The following FBRSL1 variants were observed in gnomAD, a reference collection of about 807,000 sequenced individuals.
FBRSL1 encodes fibrosin like 1, also known as fibrosin-1-like protein.
A neutral mutation model predicts 89.6 loss-of-function variants in FBRSL1; 51 were observed. The observed-to-expected ratio is 0.57, with a 90% CI of 0.45 to 0.72. The LOEUF is 0.72. Ranked by LOEUF, FBRSL1 falls within the 30% of genes least tolerant of loss-of-function variation. The probability of loss-of-function intolerance (pLI) is 0.00; values close to 1 mark genes in which losing one functional copy is unlikely to be tolerated. For missense variants in FBRSL1, 1,618 were observed against 1,451.8 expected (o/e 1.11, Z -1.86); for synonymous variants, 779 against 681.1 (o/e 1.14, Z -2.24).
In FBRSL1 at chr12:132,570,199, C is replaced by T. The variant is rs952586809; in HGVS notation, c.965C>T (p.Ala322Val). ...GTGCCTGCATCCCTGGGCGCCTTCG[C>T]GGGCCACAGCCAGGCGGCAGCCAAC... ...THVPASLGAFAGHSQAAANGL... is the reference protein window; with the variant it reads ...THVPASLGAFVGHSQAAANGL... Residue 322 changes from alanine (A) to valine (V), a missense_variant, in exon 7 of 19, where the codon GCG (alanine) becomes GTG (valine). Transcript: ENST00000680143. 138 of 1,504,404 alleles carry T rather than the reference C, an allele frequency of 9.2e-5. No homozygotes were observed. Among genetic ancestry groups the T allele is most frequent in the Non-Finnish European group, 1.1e-4 (125 of 1,135,010 alleles). 93.2% of individuals were successfully genotyped at this position (1,504,404 alleles called of 1,614,324 possible). A position where few individuals can be genotyped will look rare whatever the true frequency, so the allele number is the denominator to read the frequency against.
chr12:132,512,061 C>T (rs2034402636), intron 2 of FBRSL1: 2 of 958,094 alleles, frequency 2.1e-6, no homozygotes, highest in African/African-American at 1.8e-5. Context: ...TCTGACCGAA[C>T]AGAGGGGAGA....
chr12:132,530,853 GC>G (rs1439337539), intron 4 of FBRSL1, among the ~76,000 whole-genome samples: 1 of 152,028 alleles, frequency 6.6e-6, no homozygotes, highest in Non-Finnish European at 1.5e-5. Context: ...TGTGCACTGG[GC>G]CCCAGCACAC....
intron 2 of FBRSL1, among the ~76,000 whole-genome samples, chr12:132,520,482 C>T (rs1047361935): frequency 6.6e-5 from 10 of 152,214 alleles, no homozygotes; most frequent in African/African-American, 2.4e-4. Context: ...GTGACTGCCA[C>T]AAAGCCCCTG....
At chr12:132,578,459 G>A (rs2040529024) in intron 15 of FBRSL1, among the ~76,000 whole-genome samples, 1 of 152,230 alleles carries the variant, frequency 6.6e-6, no homozygotes, top group African/African-American at 2.4e-5. Context: ...GTGGGCTGAG[G>A]AGGAGGAGGG....
chr12:132,560,951 G>A (rs1249839632), intron 5 of FBRSL1, among the ~76,000 whole-genome samples: 1 of 152,222 alleles, frequency 6.6e-6, no homozygotes, highest in African/African-American at 2.4e-5. Context: ...ACTGCCAGAA[G>A]CCCTGTCCTA....
At chr12:132,559,440 G>T (rs2038930467) in intron 5 of FBRSL1, among the ~76,000 whole-genome samples, 1 of 152,196 alleles carries the variant, frequency 6.6e-6, no homozygotes, top group East Asian at 1.9e-4. Context: ...CACCTACGCT[G>T]AAGTGCAGTG....
At chr12:132,562,822 C>T (rs867167985) in intron 5 of FBRSL1, among the ~76,000 whole-genome samples, 3 of 152,126 alleles carry the variant, frequency 2.0e-5, no homozygotes, top group Non-Finnish European at 4.4e-5. Context: ...CAGGCCCTTG[C>T]GACGTGACTA....
chr12:132,560,514 C>T (rs961376127), intron 5 of FBRSL1, among the ~76,000 whole-genome samples: 2 of 151,958 alleles, frequency 1.3e-5, no homozygotes, highest in African/African-American at 2.4e-5. Context: ...GCGCCTTTGT[C>T]TGCGCCCAGG....
rs1210305819 is a variant in FBRSL1, at chr12:132,583,325, G to T, written c.2556G>T (p.Trp852Cys). 1.4e-5 allele frequency: 17 copies of T among 1,189,890 alleles called. No homozygotes were observed. Among genetic ancestry groups the T allele is most frequent in the Admixed American group, 4.7e-5 (1 of 21,174 alleles). 73.7% of individuals were successfully genotyped at this position (1,189,890 alleles called of 1,614,324 possible). A position where few individuals can be genotyped will look rare whatever the true frequency, so the allele number is the denominator to read the frequency against. ...RERLGAPGFAWEPFRGLELPR... is the reference protein window; with the variant it reads ...RERLGAPGFACEPFRGLELPR... Reference sequence around the variant, plus strand: ...GCCTGGGCGCGCCGGGCTTCGCGTGGGAGCCTTTCCGCGGCCTGGAGCTGC... The same window carrying T: ...GCCTGGGCGCGCCGGGCTTCGCGTGTGAGCCTTTCCGCGGCCTGGAGCTGC... The change falls in exon 19 of 19, where the codon TGG (tryptophan) becomes TGT (cysteine). Residue 852 changes from tryptophan to cysteine, a missense_variant. Trp to Cys is a radical substitution (Grantham distance 215, BLOSUM62 -2). Transcript: ENST00000680143.
intron 4 of FBRSL1, among the ~76,000 whole-genome samples, chr12:132,545,383 C>A (rs1340506349): frequency 5.5e-4 from 84 of 152,244 alleles, no homozygotes; most frequent in Non-Finnish European, 1.2e-4. Flanking sequence ...GACTCCACTG[C>A]AGTTAAACAT....
At chr12:132,560,026 G>C (rs1453242001) in intron 5 of FBRSL1, 1 of 149,500 alleles carries the variant, frequency 6.7e-6, no homozygotes, top group Non-Finnish European at 1.5e-5. Flanking sequence ...CGGGAGCCCA[G>C]AGCGCACCGA....
intron 2 of FBRSL1, among the ~76,000 whole-genome samples, chr12:132,517,869 A>G (rs960905456): frequency 1.3e-5 from 2 of 152,154 alleles, no homozygotes; most frequent in African/African-American, 4.8e-5. Flanking sequence ...AGGCTGCTGC[A>G]GCCGTTCAGG....
At chr12:132,528,017 T>A (rs2035945505) in intron 4 of FBRSL1, 29 bp downstream of exon 4, 1 of 1,549,650 alleles carries the variant, frequency 6.5e-7, no homozygotes, top group Non-Finnish European at 8.7e-7. Flanking sequence ...CTCCTCCATC[T>A]TTGTCCCCCT....
In FBRSL1 at chr12:132,534,217, C is replaced by T. The variant is rs77210501; in HGVS notation, c.615+6229C>T. On this transcript the variant is annotated intron_variant, in intron 4 of 18. Coordinates refer to ENST00000680143, the MANE Select transcript of FBRSL1 (RefSeq NM_001367871.1). ...CCTGGGAGGTGGCCATCCTGCCGTC[C>T]GCCTCCACTCCAGTCCTGGCCTCCA... is the stretch of plus-strand genomic sequence containing the variant. Among the ~76,000 whole-genome samples the T allele has an allele frequency of 9.5e-3, 1,453 of 152,284 alleles. 24 individuals are homozygous for T. Among genetic ancestry groups the T allele is most frequent in the African/African-American group, 0.033 (1,371 of 41,554 alleles).
chr12:132,562,458 G>A (rs2039211239), intron 5 of FBRSL1, among the ~76,000 whole-genome samples: 1 of 152,176 alleles, frequency 6.6e-6, no homozygotes, highest in Non-Finnish European at 1.5e-5. Flanking sequence ...GGTCTGAGCA[G>A]AAACAACCTC....
At chr12:132,507,954 C>G (rs1327240509) in intron 1 of FBRSL1, among the ~76,000 whole-genome samples, 199 bp from the exon 2 acceptor site, 2 of 152,170 alleles carry the variant, frequency 1.3e-5, no homozygotes, top group Non-Finnish European at 1.5e-5. Flanking sequence ...ACTCCCATCC[C>G]CCATCCCGCA....
At chr12:132,571,917 T>G in intron 9 of FBRSL1, 1 of 344,638 alleles carries the variant, frequency 2.9e-6, no homozygotes, top group Non-Finnish European at 5.3e-6. Flanking sequence ...GGGGCTGGAG[T>G]CCCCTCCACT....
intron 2 of FBRSL1, among the ~76,000 whole-genome samples, chr12:132,517,419 C>T (rs1310731366): frequency 3.9e-5 from 6 of 152,160 alleles, no homozygotes; most frequent in South Asian, 2.1e-4. Flanking sequence ...TCACTCTGGT[C>T]GGGAAGGCTC....
intron 2 of FBRSL1, among the ~76,000 whole-genome samples, chr12:132,524,186 C>T (rs1171785661): frequency 2.6e-5 from 4 of 152,368 alleles, no homozygotes; most frequent in Middle Eastern, 3.4e-3. Flanking sequence ...CAGGAAGAGC[C>T]GGGCAGCCTG....
Sources: allele counts gnomAD v4.1 joint callset (sites outside exome capture counted in the v4.1 genomes callset), GRCh38; gene constraint gnomAD v4.1.1; transcripts MANE v1.5; gene names NCBI Gene and HGNC (gene_info 2026-07-23, HGNC 2026-07-21).